ABAT: variants seen among roughly 807,000 people sequenced by gnomAD.
The protein encoded by ABAT is 4-aminobutyrate aminotransferase, mitochondrial.
A neutral mutation model predicts 64.6 loss-of-function variants in ABAT; 45 were observed. That is an observed-to-expected ratio of 0.70 (90% CI 0.55 to 0.89). ABAT has a LOEUF of 0.89. Ranked by LOEUF, ABAT falls within the 40% of genes least tolerant of loss-of-function variation. ABAT has a pLI of 0.00. For missense variants in ABAT, 633 were observed against 658.4 expected, an observed-to-expected ratio of 0.96 and a Z score of 0.42; for synonymous variants, 297 against 250.5, an observed-to-expected ratio of 1.19 and a Z score of -1.75.
intron 1 of ABAT, among the ~76,000 whole-genome samples, 172 bp downstream of exon 1, chr16:8,674,883 C>CA (rs1400805632): frequency 6.6e-6 from 1 of 152,280 alleles, no homozygotes; most frequent in African/African-American, 2.4e-5. Flanking sequence ...TCCCACCCCC[C>CA]AGAGAGCAAA....
intron 1 of ABAT, among the ~76,000 whole-genome samples, chr16:8,685,232 G>C (rs967237232): frequency 3.9e-5 from 6 of 152,124 alleles, no homozygotes; most frequent in Admixed American, 3.3e-4. Flanking sequence ...GTTGCAGTGA[G>C]CCAGGATCAC....
chr16:8,741,545 C>T (rs2059161706), intron 2 of ABAT, among the ~76,000 whole-genome samples: 1 of 152,214 alleles, frequency 6.6e-6, no homozygotes, highest in Admixed American at 6.5e-5. Context: ...ATGTAAATTG[C>T]TCCAGATGAT....
At chr16:8,708,925 C>T (rs2058009971) in intron 1 of ABAT, among the ~76,000 whole-genome samples, 2 of 152,132 alleles carry the variant, frequency 1.3e-5, no homozygotes, top group African/African-American at 4.8e-5. Context: ...GGTTTACACT[C>T]ACTTTAGGTG....
chr16:8,729,852 T>G (rs1284485947), intron 1 of ABAT, among the ~76,000 whole-genome samples: 1 of 125,420 alleles, frequency 8.0e-6, no homozygotes, highest in South Asian at 2.5e-4. Context: ...AAAAAGACCC[T>G]GTTTGAATGC....
intron 1 of ABAT, among the ~76,000 whole-genome samples, chr16:8,696,034 C>T (rs1331003777): frequency 6.6e-6 from 1 of 152,222 alleles, no homozygotes; most frequent in East Asian, 1.9e-4. Context: ...CGCTCCAAGG[C>T]AAGGAGCTTT....
chr16:8,725,876 ACTC>A (rs1295095100), intron 1 of ABAT, among the ~76,000 whole-genome samples: 2 of 151,712 alleles, frequency 1.3e-5, no homozygotes, highest in African/African-American at 4.8e-5. Context: ...CTGCCTTCTT[ACTC>A]CTCATCAACT....
At chr16:8,751,284 C>T (rs899817277) in intron 5 of ABAT, among the ~76,000 whole-genome samples, 1 of 151,910 alleles carries the variant, frequency 6.6e-6, no homozygotes, top group Non-Finnish European at 1.5e-5. Flanking sequence ...GGTGGTCTCA[C>T]TATGCGCTGC....
chr16:8,713,132 G>A (rs2058116452), intron 1 of ABAT: 1 of 152,324 alleles, frequency 6.6e-6, no homozygotes, highest in African/African-American at 2.4e-5. Flanking sequence ...CCTCTGCCTT[G>A]GGTGTCTTGG....
intron 1 of ABAT, among the ~76,000 whole-genome samples, chr16:8,702,676 G>A (rs1283035201): frequency 1.3e-5 from 2 of 151,182 alleles, no homozygotes; most frequent in East Asian, 2.0e-4. Flanking sequence ...CAGGCTCCTC[G>A]TCCAACACTG....
chr16:8,675,249 G>A (rs988955073), intron 1 of ABAT, among the ~76,000 whole-genome samples: 1 of 152,162 alleles, frequency 6.6e-6, no homozygotes, highest in Non-Finnish European at 1.5e-5. Context: ...GCTCTGGAGA[G>A]ATAGATGATT....
At chr16:8,699,433 G>C (rs1273380) in intron 1 of ABAT, among the ~76,000 whole-genome samples, 108,223 of 152,014 alleles carry the variant, frequency 0.71, 39,023 homozygotes, top group East Asian at 0.87. Flanking sequence ...TAGCAGGTAC[G>C]TGCAATTCCA....
At chr16:8,760,770 C>T (rs867932213) in intron 6 of ABAT, among the ~76,000 whole-genome samples, 18 of 152,322 alleles carry the variant, frequency 1.2e-4, no homozygotes, top group Middle Eastern at 6.8e-3. Flanking sequence ...CAACAACACA[C>T]GACGTCAAGG....
At chr16:8,758,997 G>T (rs923976092) in intron 6 of ABAT, among the ~76,000 whole-genome samples, 1 of 152,140 alleles carries the variant, frequency 6.6e-6, no homozygotes, top group Admixed American at 6.5e-5. Context: ...AGCTACTTGG[G>T]AGGCTGAGGC....
intron 1 of ABAT, among the ~76,000 whole-genome samples, chr16:8,694,217 G>C (rs1300536502): frequency 7.0e-6 from 1 of 142,432 alleles, no homozygotes; most frequent in East Asian, 2.1e-4. Context: ...TTTTTCAGTA[G>C]AGACAGGGTT....
intron 14 of ABAT, among the ~76,000 whole-genome samples, chr16:8,777,068 T>C (rs1248379505): frequency 1.3e-5 from 2 of 152,004 alleles, no homozygotes; most frequent in Non-Finnish European, 2.9e-5. Flanking sequence ...CCTACTAATT[T>C]TTTTGTATTT....
In ABAT at chr16:8,746,054, G is replaced by A; in HGVS notation, c.124G>A (p.Asp42Asn). ...CAAAGTCGACGTTGAATTTGATTAT[G>A]ATGGGCCTCTGATGAAGACGGAAGT... ...AAKVDVEFDY[D>N]GPLMKTEVPG... Residue 42 changes from aspartate (D) to asparagine (N), a missense_variant, in exon 3 of 16, where the codon GAT (aspartate) becomes AAT (asparagine). Transcript: ENST00000268251. 1.2e-6 allele frequency: 2 copies of A among 1,613,984 alleles called. No individual in the cohort carries two copies. The highest frequency in any genetic ancestry group is 2.2e-5 in the South Asian group (2 of 91,076).
At position 8,764,025 on chromosome 16, in the gene ABAT, G is replaced by A; in HGVS notation, c.367-44G>A. On this transcript the variant is annotated intron_variant, in intron 6 of 15. Transcript: ENST00000268251. The surrounding 1 kb of genome is among the most constrained non-coding windows in gnomAD (Gnocchi z 4.2). The stretch of plus-strand genomic sequence containing the variant: ...GCACCATTTGTGGGCAGGGAGCTGG[G>A]TCAGGCCCCCAGAAGTCACCATTTG... 1 of 1,556,972 alleles carries A rather than the reference G, an allele frequency of 6.4e-7. No homozygotes were observed. Among genetic ancestry groups the A allele is most frequent in the Non-Finnish European group, 8.9e-7 (1 of 1,128,096 alleles).
At chr16:8,698,279 T>G (rs1038684200) in intron 1 of ABAT, among the ~76,000 whole-genome samples, 3 of 152,060 alleles carry the variant, frequency 2.0e-5, no homozygotes, top group Non-Finnish European at 4.4e-5. Context: ...AGATCACATT[T>G]TGTTTATCTG....
intron 1 of ABAT, among the ~76,000 whole-genome samples, chr16:8,732,317 G>C (rs928185400): frequency 5.3e-5 from 8 of 150,558 alleles, no homozygotes; most frequent in Middle Eastern, 6.8e-3. Context: ...AAGGTCGGCA[G>C]ATAAACAAGT....
Sources: allele counts gnomAD v4.1 joint callset (sites outside exome capture counted in the v4.1 genomes callset), GRCh38; gene constraint gnomAD v4.1.1; non-coding constraint Gnocchi (gnomAD v3.1); transcripts MANE v1.5; gene names NCBI Gene and HGNC (gene_info 2026-07-23, HGNC 2026-07-21).